Variants in KIAA0825 observed in about 807,000 individuals in gnomAD.
The protein encoded by KIAA0825 is uncharacterized protein KIAA0825.
A neutral mutation model predicts 147.6 loss-of-function variants in KIAA0825; 119 were observed. The ratio of observed to expected loss-of-function variants is 0.81; its 90% confidence interval spans 0.69 to 0.94. The LOEUF is 0.94. Among genes scored for constraint, KIAA0825 ranks in the 40% least tolerant of loss-of-function variants. KIAA0825 has a pLI of 0.00. For missense variants in KIAA0825, 1,381 were observed against 1,472.7 expected (o/e 0.94, Z 1.02); for synonymous variants, 470 against 518.1 (o/e 0.91, Z 1.26).
rs542338020 is a variant in KIAA0825 at position 94,516,829 on chromosome 5, G to A, written c.970+3419C>T. Among the ~76,000 whole-genome samples, 5 of 151,332 alleles carry A rather than the reference G, an allele frequency of 3.3e-5. No individual in the cohort carries two copies. The South Asian group carries it at 8.4e-4, about 25-fold the overall frequency. On this transcript the variant is annotated intron_variant, in intron 5 of 20. Transcript: ENST00000682413. ...AAGAAAAGAAAACGTGGCCAGGCACGGTGGCTCACACCTGTAACCCCAGCA... is the reference window on the plus strand; with the variant it reads ...AAGAAAAGAAAACGTGGCCAGGCACAGTGGCTCACACCTGTAACCCCAGCA...
At chr5:94,352,892 A>T (rs13158701) in intron 20 of KIAA0825, among the ~76,000 whole-genome samples, 28,550 of 150,266 alleles carry the variant, frequency 0.19, 3,745 homozygotes, top group African/African-American at 0.38. Context: ...GCGAAGGCAT[A>T]AGAATGATGC....
At chr5:94,405,930 A>T (rs1303549998) in intron 15 of KIAA0825, among the ~76,000 whole-genome samples, 2 of 151,372 alleles carry the variant, frequency 1.3e-5, no homozygotes, top group Non-Finnish European at 2.9e-5. Context: ...ATTTATTTTT[A>T]TTTTTATTTT....
chr5:94,390,301 C>T (rs1270394820), intron 18 of KIAA0825, among the ~76,000 whole-genome samples: 2 of 152,176 alleles, frequency 1.3e-5, no homozygotes, highest in East Asian at 3.9e-4. Flanking sequence ...TGGGGGTAAC[C>T]ACACTGCAAC....
intron 20 of KIAA0825, among the ~76,000 whole-genome samples, chr5:94,173,644 A>G (rs756571132): frequency 2.6e-5 from 4 of 152,134 alleles, no homozygotes; most frequent in Non-Finnish European, 4.4e-5. Context: ...ATAGTATTCT[A>G]TTGGTTACAA....
intron 3 of KIAA0825, among the ~76,000 whole-genome samples, chr5:94,532,304 C>G (rs1770955233): frequency 6.6e-6 from 1 of 152,070 alleles, no homozygotes; most frequent in Non-Finnish European, 1.5e-5. Flanking sequence ...TGAGCCACCA[C>G]ACCAGCTAAT....
At chr5:94,384,326 C>T (rs949393012) in intron 20 of KIAA0825, 42 bp downstream of exon 20, 42 of 1,435,240 alleles carry the variant, frequency 2.9e-5, no homozygotes, top group Non-Finnish European at 3.9e-5. Flanking sequence ...CACACACAAC[C>T]TTGTCCCTCA....
intron 20 of KIAA0825, among the ~76,000 whole-genome samples, chr5:94,350,572 A>G (rs186741533): frequency 8.7e-4 from 133 of 152,334 alleles, no homozygotes; most frequent in African/African-American, 2.9e-3. Context: ...TATCAAAAAG[A>G]TAATCCACCA....
At chr5:94,296,208 G>A (rs1778127085) in intron 20 of KIAA0825, among the ~76,000 whole-genome samples, 1 of 152,122 alleles carries the variant, frequency 6.6e-6, no homozygotes, top group Non-Finnish European at 1.5e-5. Flanking sequence ...TACACTGTGA[G>A]GGGAAAACTG....
intron 20 of KIAA0825, among the ~76,000 whole-genome samples, chr5:94,300,221 GTCT>G (rs1778330285): frequency 6.6e-6 from 1 of 151,970 alleles, no homozygotes; most frequent in Admixed American, 6.6e-5. Flanking sequence ...TATAATCCCT[GTCT>G]TCTTCTGTAA....
At chr5:94,412,756 T>C (rs1249604391) in intron 15 of KIAA0825, among the ~76,000 whole-genome samples, 4 of 152,114 alleles carry the variant, frequency 2.6e-5, no homozygotes, top group African/African-American at 9.7e-5. Context: ...TTTCCACTTC[T>C]AAGTACTTAC....
rs1416268928 is a variant in KIAA0825 at position 94,501,938 on chromosome 5, T to C, written c.971-17008A>G. ...AATAATGATATAATCATATAATACA[T>C]ATGTCATAGTTTGCAGCCTGTAAAA... On this transcript the variant is annotated intron_variant, in intron 5 of 20. Coordinates refer to ENST00000682413, the MANE Select transcript of KIAA0825 (RefSeq NM_001145678.3). Among the ~76,000 whole-genome samples, 5 of 152,186 alleles carry C rather than the reference T, an allele frequency of 3.3e-5. No homozygotes were observed. In the East Asian group the frequency reaches 5.8e-4, roughly 18 times the overall value.
chr5:94,583,642 G>A (rs952133642), intron 1 of KIAA0825, among the ~76,000 whole-genome samples: 1 of 152,170 alleles, frequency 6.6e-6, no homozygotes, highest in Non-Finnish European at 1.5e-5. Context: ...AAACTTAAAC[G>A]TCCCTGCCTG....
intron 20 of KIAA0825, among the ~76,000 whole-genome samples, chr5:94,261,608 A>C (rs1297931185): frequency 1.3e-5 from 2 of 152,182 alleles, no homozygotes; most frequent in Non-Finnish European, 2.9e-5. Flanking sequence ...TAATAGGGTA[A>C]TTATAAATAA....
chr5:94,403,860 G>C, intron 15 of KIAA0825, 67 bp from the exon 16 acceptor site: 1 of 1,317,952 alleles, frequency 7.6e-7, no homozygotes, highest in Non-Finnish European at 1.1e-6. Context: ...TGCTCAACTA[G>C]AATTCAGTTT....
At chr5:94,452,707 T>G (rs1307512676) in intron 13 of KIAA0825, among the ~76,000 whole-genome samples, 2 of 152,184 alleles carry the variant, frequency 1.3e-5, no homozygotes, top group Non-Finnish European at 2.9e-5. Flanking sequence ...AAAATAAAAC[T>G]AAATTCCAAA....
intron 20 of KIAA0825, among the ~76,000 whole-genome samples, chr5:94,334,129 A>G (rs78617463): frequency 0.014 from 2,141 of 150,360 alleles, 21 homozygotes; most frequent in South Asian, 0.038. Flanking sequence ...CATCTACAAA[A>G]AAATTACGAT....
rs527271001 is a variant in KIAA0825, at chr5:94,456,542, C to G, written c.2247-3473G>C. 3.3e-3 allele frequency among the ~76,000 whole-genome samples: 498 copies of G among 152,286 alleles called. 4 individuals are homozygous for G. Among genetic ancestry groups the G allele is most frequent in the Admixed American group, 0.011 (162 of 15,296 alleles). On this transcript the variant is annotated intron_variant, in intron 12 of 20. Coordinates refer to ENST00000682413, the MANE Select transcript of KIAA0825 (RefSeq NM_001145678.3). ...AGGTTATATAGAGGTAGTGTATGGG[C>G]ACATGCAGGAACCGGAGCCAGAGAG...
intron 20 of KIAA0825, among the ~76,000 whole-genome samples, chr5:94,354,608 C>T (rs570710013): frequency 5.9e-5 from 9 of 152,026 alleles, no homozygotes; most frequent in African/African-American, 1.9e-4. Flanking sequence ...ATTTAGCTTA[C>T]GCTGTAATCA....
chr5:94,171,511 C>T (rs2149950316), intron 20 of KIAA0825, among the ~76,000 whole-genome samples: 1 of 152,244 alleles, frequency 6.6e-6, no homozygotes, highest in East Asian at 1.9e-4. Flanking sequence ...CCTTGTTTAT[C>T]ATGTTTACCA....
Sources: allele counts gnomAD v4.1 joint callset (sites outside exome capture counted in the v4.1 genomes callset), GRCh38; gene constraint gnomAD v4.1.1; transcripts MANE v1.5; gene names NCBI Gene and HGNC (gene_info 2026-07-23, HGNC 2026-07-21).